The following EXOC4 variants were observed in gnomAD, a reference collection of about 807,000 sequenced individuals.
The protein encoded by EXOC4 is exocyst complex component 4, also known as SEC8-like 1.
Under a neutral mutation model 107.2 loss-of-function variants are expected in EXOC4, and 71 were observed. The ratio of observed to expected loss-of-function variants is 0.66; its 90% CI spans 0.55 to 0.81. EXOC4 has a LOEUF of 0.81. Ranked by LOEUF, EXOC4 falls within the 30% of genes least tolerant of loss-of-function variation. EXOC4 has a pLI of 0.00. For missense variants in EXOC4, 1,108 were observed against 1,189.6 expected (o/e 0.93, Z 1.01); for synonymous variants, 456 against 441.2 (o/e 1.03, Z -0.42).
chr7:133,423,941 G>A lies in EXOC4; in HGVS notation c.1182+48939G>A, dbSNP rs549664645. 7.7e-4 allele frequency among the ~76,000 whole-genome samples: 118 copies of A among 152,318 alleles called. 1 individual carries two copies. The highest frequency in any genetic ancestry group is 6.6e-3 in the South Asian group (32 of 4,828). On this transcript the variant is annotated intron_variant, in intron 7 of 17. Transcript: ENST00000253861. ...GCAAAGTCCTGTGGCGAGTGCTAGC[G>A]AGAGGTGAAGCCGGCTGGGCTTCTG...
At chr7:133,981,692 G>A (rs1240458276) in intron 14 of EXOC4, among the ~76,000 whole-genome samples, 4 of 152,040 alleles carry the variant, frequency 2.6e-5, no homozygotes, top group African/African-American at 9.7e-5. Context: ...AACAGGTGGC[G>A]ATTCCTCAAA....
At chr7:133,701,658 A>G (rs1794657951) in intron 10 of EXOC4, among the ~76,000 whole-genome samples, 1 of 152,202 alleles carries the variant, frequency 6.6e-6, no homozygotes, top group South Asian at 2.1e-4. Context: ...CAGGTTGAAT[A>G]TCCCTTATCT....
At position 133,823,871 on chromosome 7, in the gene EXOC4, ATT is replaced by A. The variant is rs1563014906; in HGVS notation, c.1734+6328_1734+6329del. ...TATATATATATATATATATATATATATTATATATATATATATATATATTTTAT... is the reference window on the plus strand; with the variant it reads ...TATATATATATATATATATATATATAATATATATATATATATATATTTTAT... On this transcript the variant is annotated intron_variant, in intron 11 of 17. Transcript: ENST00000253861. 1.7e-3 allele frequency among the ~76,000 whole-genome samples: 24 copies of A among 14,322 alleles called. 1 individual carries two copies. The highest frequency in any genetic ancestry group is 6.3e-3 in the African/African-American group (10 of 1,598). The allele number at this position is 14,322 out of a possible 152,430, so 9.4% of individuals were successfully genotyped here.
At chr7:134,086,870 C>T in the EXOC4 span, among the ~76,000 whole-genome samples, 3 of 152,132 alleles carry the variant, frequency 2.0e-5, no homozygotes, top group Admixed American at 6.6e-5. Flanking sequence ...ATTCATGCCT[C>T]GCCTTTTTAG....
At chr7:133,994,823 A>G (rs1486667685) in intron 14 of EXOC4, among the ~76,000 whole-genome samples, 1 of 151,874 alleles carries the variant, frequency 6.6e-6, no homozygotes, top group East Asian at 1.9e-4. Context: ...GTAACCTCCC[A>G]AGCAGATTGT....
rs140908211 is a variant in EXOC4, at chr7:133,930,431, T to C, written c.2028-7460T>C. 17 of 152,342 alleles carry C rather than the reference T, an allele frequency of 1.1e-4. No individual in the cohort carries two copies. The East Asian group carries it at 3.1e-3, about 28-fold the overall frequency. The allele number at this position is 152,342 out of a possible 1,614,324, so 9.4% of individuals were successfully genotyped here. A position where few individuals can be genotyped will look rare whatever the true frequency, so the allele number is the denominator to read the frequency against. On this transcript the variant is annotated intron_variant, in intron 13 of 17. Transcript: ENST00000253861. ...CATTTCCATGCAATTGTGTTCCAAGTCTACATATCATAACTCTGAGCTGGT... is the reference window on the plus strand; with the variant it reads ...CATTTCCATGCAATTGTGTTCCAAGCCTACATATCATAACTCTGAGCTGGT...
intron 14 of EXOC4, among the ~76,000 whole-genome samples, chr7:133,950,757 TTAA>T (rs1457080100): frequency 6.6e-6 from 1 of 152,214 alleles, no homozygotes; most frequent in Non-Finnish European, 1.5e-5. Flanking sequence ...TCTTCATACA[TTAA>T]TAATAAGGGC....
chr7:133,320,408 T>G lies in EXOC4; in HGVS notation c.763+3018T>G, dbSNP rs571283517. 2.0e-5 allele frequency among the ~76,000 whole-genome samples: 3 copies of G among 152,294 alleles called. No individual in the cohort carries two copies. In the South Asian group the frequency reaches 6.2e-4, roughly 32 times the overall value. ...CATTCATGGTTTCCTTCCTCCATCTTCAAAACCAGCAATGGTGGGTCACAT... is the reference window on the plus strand; with the variant it reads ...CATTCATGGTTTCCTTCCTCCATCTGCAAAACCAGCAATGGTGGGTCACAT... On this transcript the variant is annotated intron_variant, in intron 5 of 17. Transcript: ENST00000253861.
At chr7:133,994,695 T>C (rs1474230331) in intron 14 of EXOC4, among the ~76,000 whole-genome samples, 1 of 152,064 alleles carries the variant, frequency 6.6e-6, no homozygotes, top group African/African-American at 2.4e-5. Context: ...TCTTCTGATA[T>C]GAAGGGTAAT....
chr7:133,380,204 G>A (rs565353635), intron 7 of EXOC4, among the ~76,000 whole-genome samples: 28 of 150,668 alleles, frequency 1.9e-4, no homozygotes, highest in Non-Finnish European at 3.4e-4. Context: ...AAACCTGCAC[G>A]TTGTGCACAT....
intron 14 of EXOC4, among the ~76,000 whole-genome samples, chr7:133,983,499 A>G (rs1343298198): frequency 6.6e-6 from 1 of 152,176 alleles, no homozygotes; most frequent in Non-Finnish European, 1.5e-5. Flanking sequence ...CATATTGGGA[A>G]GTATGCTTTA....
intron 3 of EXOC4, among the ~76,000 whole-genome samples, chr7:133,305,469 A>G (rs1212863358): frequency 1.3e-5 from 2 of 152,196 alleles, no homozygotes; most frequent in African/African-American, 4.8e-5. Context: ...TTTTTAAAAC[A>G]TTTATATAGT....
chr7:133,814,861 T>G (rs1340741209), intron 10 of EXOC4, among the ~76,000 whole-genome samples: 1 of 152,230 alleles, frequency 6.6e-6, no homozygotes, highest in Non-Finnish European at 1.5e-5. Flanking sequence ...TACTAAGTCA[T>G]TTGGTTTTTT....
Position 134,005,012 on chromosome 7 carries a change from C to T in EXOC4, c.2449C>T (p.Leu817Phe), listed in dbSNP as rs1333529616. ...GGATTATGACCCCCTGGTGGTCAAG[C>T]TCAACAAAGATATCAGCGCCATTGA... is the stretch of plus-strand genomic sequence containing the variant. The part of the protein sequence containing the change: ...SMDYDPLVVK[L>F]NKDISAIEEA... The change falls in exon 16 of 18, where the codon CTC (leucine) becomes TTC (phenylalanine). Residue 817 changes from leucine to phenylalanine, a missense_variant. Physicochemically the swap from Leu to Phe is conservative, Grantham distance 22. Transcript: ENST00000253861. 17 of 1,613,504 alleles carry T rather than the reference C, an allele frequency of 1.1e-5. No homozygotes were observed. Among genetic ancestry groups the T allele is most frequent in the Non-Finnish European group, 1.1e-5 (13 of 1,179,676 alleles).
At chr7:134,090,706 C>T in the EXOC4 span, among the ~76,000 whole-genome samples, 1 of 152,056 alleles carries the variant, frequency 6.6e-6, no homozygotes, top group African/African-American at 2.4e-5. Context: ...GCAGTTTCAT[C>T]AGCTCTTAGG....
At chr7:133,663,425 T>C (rs1490531628) in intron 10 of EXOC4, among the ~76,000 whole-genome samples, 4 of 152,172 alleles carry the variant, frequency 2.6e-5, no homozygotes, top group Admixed American at 6.5e-5. Context: ...ATCTCCAGCC[T>C]GGACCACTTC....
intron 14 of EXOC4, among the ~76,000 whole-genome samples, chr7:133,979,603 T>C (rs1373435499): frequency 2.6e-5 from 4 of 152,022 alleles, no homozygotes. Context: ...CTGGCTAACA[T>C]GGCAAAACCC....
intron 10 of EXOC4, among the ~76,000 whole-genome samples, chr7:133,802,009 A>G (rs909545616): frequency 4.6e-5 from 7 of 152,236 alleles, no homozygotes; most frequent in Non-Finnish European, 1.5e-5. Flanking sequence ...ATAAAAAATA[A>G]GCCTTTCCAT....
chr7:133,722,634 T>C (rs1260046053), intron 10 of EXOC4, among the ~76,000 whole-genome samples: 2 of 152,196 alleles, frequency 1.3e-5, no homozygotes, highest in Non-Finnish European at 2.9e-5. Flanking sequence ...TTTAGGCATT[T>C]TAAAGGTCAT....
Sources: gnomAD v4.1 joint callset for allele counts (sites outside exome capture counted in the v4.1 genomes callset) on GRCh38, gnomAD v4.1.1 for gene constraint, MANE v1.5 for transcripts, NCBI Gene and HGNC (gene_info 2026-07-23, HGNC 2026-07-21) for gene names.